VWA8: variants seen among roughly 807,000 people sequenced by gnomAD.
The protein encoded by VWA8 is von Willebrand factor A domain containing 8, also known as von Willebrand factor A domain-containing protein 8.
In VWA8, 221 loss-of-function variants were observed where a neutral mutation model predicts 241.5. The observed-to-expected ratio is 0.91, with a 90% CI of 0.82 to 1.02. The LOEUF is 1.02. Ranked by LOEUF, VWA8 falls within the 50% of genes least tolerant of loss-of-function variation. The probability of loss-of-function intolerance (pLI) is 0.00; values close to 1 mark genes in which losing one functional copy is unlikely to be tolerated. For synonymous variants in VWA8, 852 were observed against 827.1 expected, an observed-to-expected ratio of 1.03 and a Z score of -0.52; for missense variants, 2,322 against 2,328.7, an observed-to-expected ratio of 1.00 and a Z score of 0.06.
Position 41,939,739 on chromosome 13 carries a change from C to T in VWA8, c.241+10197G>A, listed in dbSNP as rs186840987. On this transcript the variant is annotated intron_variant, in intron 2 of 44. Transcript: ENST00000379310. ...TTTGCATTGAAGTTTAGATTTCCAG[C>T]TAAGAATATTTCTAGTCTTAAGCAT... Among the ~76,000 whole-genome samples, 257 of 152,254 alleles carry T rather than the reference C, an allele frequency of 1.7e-3. 2 individuals are homozygous for T. The highest frequency in any genetic ancestry group is 5.7e-3 in the African/African-American group (236 of 41,538).
intron 36 of VWA8, among the ~76,000 whole-genome samples, chr13:41,673,016 T>TA (rs892490440): frequency 2.0e-5 from 3 of 152,024 alleles, no homozygotes; most frequent in African/African-American, 4.8e-5. Flanking sequence ...TTAATTTATT[T>TA]AAAAAAAATT....
rs866232981 is a variant in VWA8, at chr13:41,611,689, G to T, written c.4764C>A (p.Tyr1588Ter). 6.2e-7 allele frequency: 1 copy of T among 1,614,058 alleles called. No individual in the cohort carries two copies. Among genetic ancestry groups the T allele is most frequent in the Non-Finnish European group, 8.5e-7 (1 of 1,179,960 alleles). ...TAGLGGKGGP[Y>*]RLDAGHTVYQ... Reference sequence around the variant, plus strand: ...ACACCGTATGGCCTGCATCCAGCCGGTAAGGGCCTCCTTTGCCACCCAGGC... The same window carrying T: ...ACACCGTATGGCCTGCATCCAGCCGTTAAGGGCCTCCTTTGCCACCCAGGC... Residue 1588 changes from tyrosine (Y) to a stop codon, truncating the protein, a stop_gained, in exon 39 of 45, where the codon TAC becomes TAA. Transcript: ENST00000379310. LOFTEE classifies it high-confidence loss of function.
At chr13:41,829,872 C>T (rs1171374923) in intron 14 of VWA8, among the ~76,000 whole-genome samples, 2 of 152,036 alleles carry the variant, frequency 1.3e-5, no homozygotes, top group East Asian at 1.9e-4. Context: ...TCTCAGAAAT[C>T]GCCACTAAAG....
chr13:41,729,288 G>T (rs978912477), intron 23 of VWA8, among the ~76,000 whole-genome samples: 3 of 151,918 alleles, frequency 2.0e-5, no homozygotes, highest in South Asian at 4.1e-4. Context: ...GTATGTCAGA[G>T]TAGAAAAATA....
intron 12 of VWA8, among the ~76,000 whole-genome samples, chr13:41,858,626 A>T (rs749480916): frequency 6.6e-6 from 1 of 151,844 alleles, no homozygotes; most frequent in Non-Finnish European, 1.5e-5. Context: ...AAAAAAAGAG[A>T]GAGAGAAACT....
At chr13:41,649,914 C>G (rs2044858466) in intron 37 of VWA8, among the ~76,000 whole-genome samples, 1 of 152,242 alleles carries the variant, frequency 6.6e-6, no homozygotes, top group East Asian at 1.9e-4. Context: ...CGTGTTGTGC[C>G]TTTACAAAGC....
At chr13:41,957,974 T>C (rs151053435) in intron 1 of VWA8, among the ~76,000 whole-genome samples, 117 of 152,346 alleles carry the variant, frequency 7.7e-4, no homozygotes, top group African/African-American at 2.6e-3. Flanking sequence ...TGGCTCCATC[T>C]GTAAAAACAC....
At chr13:41,705,194 A>C (rs551421641) in intron 26 of VWA8, among the ~76,000 whole-genome samples, 12 of 152,110 alleles carry the variant, frequency 7.9e-5, no homozygotes, top group Non-Finnish European at 1.5e-4. Context: ...CACACTTTTG[A>C]ATCTATCATC....
At chr13:41,695,102 C>A (rs1160045519) in intron 29 of VWA8, among the ~76,000 whole-genome samples, 2 of 152,120 alleles carry the variant, frequency 1.3e-5, no homozygotes, top group African/African-American at 4.8e-5. Flanking sequence ...GTGGCTTTGG[C>A]ACTCCTTTAA....
At chr13:41,573,787 T>G (rs1484416823) in intron 43 of VWA8, among the ~76,000 whole-genome samples, 2 of 151,288 alleles carry the variant, frequency 1.3e-5, no homozygotes, top group Admixed American at 1.3e-4. Flanking sequence ...CCAGCTAATT[T>G]TTTTTTGTAT....
intron 21 of VWA8, among the ~76,000 whole-genome samples, chr13:41,739,624 T>C (rs116104782): frequency 3.9e-5 from 6 of 152,252 alleles, no homozygotes; most frequent in African/African-American, 1.4e-4. Context: ...AAATAAGCAC[T>C]ATGTTTGGAA....
Position 41,932,526 on chromosome 13 carries a change from T to G in VWA8, c.241+17410A>C, listed in dbSNP as rs570735774. On this transcript the variant is annotated intron_variant, in intron 2 of 44. Transcript: ENST00000379310. Reference sequence around the variant, plus strand: ...AAGTAAGGAAAGCTGCAGATCAATATCCTTCATAGAGATGTACAAATCCTA... The same window carrying G: ...AAGTAAGGAAAGCTGCAGATCAATAGCCTTCATAGAGATGTACAAATCCTA... 5.9e-5 allele frequency among the ~76,000 whole-genome samples: 9 copies of G among 152,084 alleles called. No homozygotes were observed. In the South Asian group the frequency reaches 1.9e-3, roughly 31 times the overall value.
intron 44 of VWA8, among the ~76,000 whole-genome samples, chr13:41,568,863 G>A (rs769339118): frequency 5.9e-5 from 9 of 152,020 alleles, no homozygotes; most frequent in Non-Finnish European, 1.3e-4. Flanking sequence ...TGACACTGAG[G>A]TTATACAGGC....
chr13:41,886,388 CAAACA>C (rs1260222040), intron 7 of VWA8, among the ~76,000 whole-genome samples: 5 of 151,168 alleles, frequency 3.3e-5, no homozygotes, highest in African/African-American at 1.2e-4. Flanking sequence ...AACAAACAAA[CAAACA>C]AAACAAAAAA....
In VWA8 at chr13:41,692,849, T is replaced by C. The variant is rs1268934348; in HGVS notation, c.3675+13A>G. 1 of 1,588,396 alleles carries C rather than the reference T, an allele frequency of 6.3e-7. No individual in the cohort carries two copies. Among genetic ancestry groups the C allele is most frequent in the East Asian group, 2.2e-5 (1 of 44,604 alleles). ...TCCTTGGCAATTTGTGGGACAAATG[T>C]GGTGTTTCTTACAGCTTCTTCTTTG... On this transcript the variant is annotated intron_variant, in intron 30 of 44. Coordinates refer to ENST00000379310, the MANE Select transcript of VWA8 (RefSeq NM_015058.2).
chr13:41,829,203 T>C (rs1428117658), intron 14 of VWA8, among the ~76,000 whole-genome samples: 1 of 152,154 alleles, frequency 6.6e-6, no homozygotes, highest in Non-Finnish European at 1.5e-5. Context: ...ACCACCTTAC[T>C]CCTGCAAGAA....
intron 37 of VWA8, among the ~76,000 whole-genome samples, chr13:41,622,974 G>A (rs545331542): frequency 7.2e-5 from 11 of 152,078 alleles, no homozygotes; most frequent in Non-Finnish European, 1.2e-4. Context: ...AACAGAAGTC[G>A]GATATATCAT....
intron 2 of VWA8, among the ~76,000 whole-genome samples, chr13:41,917,495 T>C (rs1566038597): frequency 6.6e-6 from 1 of 152,182 alleles, no homozygotes; most frequent in Non-Finnish European, 1.5e-5. Context: ...TTCCTTATTT[T>C]CAAAATAAAG....
In VWA8 at chr13:41,708,361, TA is replaced by T. The variant is rs879272082; in HGVS notation, c.3117-4951del. Reference sequence around the variant, plus strand: ...GGGAAACAAGAGCGAAATTTGGTCTTAAAAAAAAAAAATTTGTATGTACTAA... The same window carrying T: ...GGGAAACAAGAGCGAAATTTGGTCTTAAAAAAAAAAATTTGTATGTACTAA... On this transcript the variant is annotated intron_variant, in intron 26 of 44. Coordinates refer to ENST00000379310, the MANE Select transcript of VWA8 (RefSeq NM_015058.2). Among the ~76,000 whole-genome samples, 455 of 145,556 alleles carry T rather than the reference TA, an allele frequency of 3.1e-3. 2 individuals are homozygous for T. The highest frequency in any genetic ancestry group is 7.7e-3 in the African/African-American group (307 of 39,970).
Sources: gnomAD v4.1 joint callset for allele counts (sites outside exome capture counted in the v4.1 genomes callset) on GRCh38, gnomAD v4.1.1 for gene constraint, MANE v1.5 for transcripts, NCBI Gene and HGNC (gene_info 2026-07-23, HGNC 2026-07-21) for gene names.